CTNNA3: variants seen among roughly 807,000 people sequenced by gnomAD.
The protein encoded by CTNNA3 is catenin alpha 3.
In CTNNA3, 76 loss-of-function variants were observed where a neutral mutation model predicts 95.7. The ratio of observed to expected loss-of-function variants is 0.79; its 90% CI spans 0.66 to 0.96. The LOEUF is 0.96. Among genes scored for constraint, CTNNA3 ranks in the 40% least tolerant of loss-of-function variants. The pLI is 0.00. For missense variants in CTNNA3, 1,191 were observed against 1,089.8 expected (o/e 1.09, Z -1.31); for synonymous variants, 431 against 374.4 (o/e 1.15, Z -1.74).
intron 11 of CTNNA3, among the ~76,000 whole-genome samples, chr10:66,456,232 G>GT (rs2093494307): frequency 6.6e-6 from 1 of 152,124 alleles, no homozygotes; most frequent in African/African-American, 2.4e-5. Context: ...AGCTGAAAGG[G>GT]TTTTGAAAAA....
At chr10:67,540,280 G>A (rs1056751583) in intron 3 of CTNNA3, among the ~76,000 whole-genome samples, 1 of 151,604 alleles carries the variant, frequency 6.6e-6, no homozygotes, top group African/African-American at 2.4e-5. Flanking sequence ...TAAGTTCCCA[G>A]TTCAAAAGGG....
At position 67,573,629 on chromosome 10, in the gene CTNNA3, T is replaced by C. The variant is rs558007632; in HGVS notation, c.292+33228A>G. Among the ~76,000 whole-genome samples, 10 of 152,112 alleles carry C rather than the reference T, an allele frequency of 6.6e-5. No homozygotes were observed. In the East Asian group the frequency reaches 1.7e-3, roughly 27 times the overall value. On this transcript the variant is annotated intron_variant, in intron 3 of 17. Coordinates refer to ENST00000433211, the MANE Select transcript of CTNNA3 (RefSeq NM_013266.4). ...TATGAGATGAAGACAGAAGGTTAGA[T>C]AGACTACAGAAAATCAAGTATTATA...
At chr10:67,017,659 C>A (rs1316734595) in intron 7 of CTNNA3, among the ~76,000 whole-genome samples, 1 of 152,004 alleles carries the variant, frequency 6.6e-6, no homozygotes, top group Non-Finnish European at 1.5e-5. Context: ...GAAAATATTT[C>A]TTTCTTACAG....
chr10:66,987,944 A>G (rs1850824932), intron 7 of CTNNA3, among the ~76,000 whole-genome samples: 1 of 152,202 alleles, frequency 6.6e-6, no homozygotes, highest in African/African-American at 2.4e-5. Flanking sequence ...TCTTTTAAAA[A>G]CATTTCTATC....
rs1014528932 is a variant in CTNNA3 at position 66,849,642 on chromosome 10, G to C, written c.1048-74118C>G. Among the ~76,000 whole-genome samples, 6 of 152,106 alleles carry C rather than the reference G, an allele frequency of 3.9e-5. No individual in the cohort carries two copies. In the East Asian group the frequency reaches 1.2e-3, roughly 29 times the overall value. ...AAACAGAGAGACATACAGAAACAGA[G>C]AATAAGGCCATGTAAAGTCGGAGGC... On this transcript the variant is annotated intron_variant, in intron 7 of 17. Coordinates refer to ENST00000433211, the MANE Select transcript of CTNNA3 (RefSeq NM_013266.4).
At position 66,392,888 on chromosome 10, in the gene CTNNA3, ATACCTTGGTAT is replaced by A. The variant is rs577650335; in HGVS notation, c.1532-13547_1532-13537del. On this transcript the variant is annotated intron_variant, in intron 11 of 17. Transcript: ENST00000433211. ...ACTTCTACTATACAATCGAGCAACC[ATACCTTGGTAT>A]TTACCCAGATAAATTTAAAACTTAC... 4.5e-4 allele frequency among the ~76,000 whole-genome samples: 69 copies of A among 152,306 alleles called. 1 individual carries two copies. In the South Asian group the frequency reaches 0.014, roughly 31 times the overall value.
At chr10:67,404,124 C>A (rs1845039977) in intron 5 of CTNNA3, among the ~76,000 whole-genome samples, 3 of 152,054 alleles carry the variant, frequency 2.0e-5, no homozygotes, top group South Asian at 4.2e-4. Context: ...ACAGAAAACT[C>A]AAAAATCCAG....
At chr10:67,572,647 A>C (rs933797488) in intron 3 of CTNNA3, among the ~76,000 whole-genome samples, 1 of 152,210 alleles carries the variant, frequency 6.6e-6, no homozygotes, top group Non-Finnish European at 1.5e-5. Flanking sequence ...GCAGTTAAGC[A>C]TGAAACTCAC....
rs530559510 is a variant in CTNNA3 at position 66,693,284 on chromosome 10, A to G, written c.1282-71500T>C. Among the ~76,000 whole-genome samples, 14 of 150,478 alleles carry G rather than the reference A, an allele frequency of 9.3e-5. No individual in the cohort carries two copies. The South Asian group carries it at 3.0e-3, about 32-fold the overall frequency. ...GAGGAAGATCTATCAAGCAAATGGA[A>G]AACAAAAAAAGGCAGGGGTTGCAAT... On this transcript the variant is annotated intron_variant, in intron 9 of 17. Transcript: ENST00000433211.
intron 16 of CTNNA3, among the ~76,000 whole-genome samples, chr10:65,970,965 A>C (rs1402618170): frequency 6.6e-6 from 1 of 151,356 alleles, no homozygotes; most frequent in Non-Finnish European, 1.5e-5. Context: ...TAGACATGTG[A>C]AATGTTAGTC....
chr10:67,027,875 AATG>A (rs1262854931), intron 7 of CTNNA3, among the ~76,000 whole-genome samples: 3 of 152,170 alleles, frequency 2.0e-5, no homozygotes, highest in Non-Finnish European at 4.4e-5. Flanking sequence ...TTTGCTTCTG[AATG>A]ATAAGCTCTT....
chr10:66,619,515 CA>C lies in CTNNA3; in HGVS notation c.1374+2176del, dbSNP rs531625015. 7.7e-3 allele frequency among the ~76,000 whole-genome samples: 743 copies of C among 96,476 alleles called. 33 individuals carry two copies. The highest frequency in any genetic ancestry group is 0.025 in the African/African-American group (709 of 28,414). 63.3% of individuals were successfully genotyped at this position (96,476 alleles called of 152,430 possible). ...CTCACAGGTGGGAATTGAACAATGA[CA>C]ACACATGGACACAGGAAGGGGAACA... On this transcript the variant is annotated intron_variant, in intron 10 of 17. Transcript: ENST00000433211.
chr10:66,029,805 G>C (rs1052598509), intron 15 of CTNNA3, among the ~76,000 whole-genome samples: 3 of 152,108 alleles, frequency 2.0e-5, no homozygotes, highest in Non-Finnish European at 2.9e-5. Flanking sequence ...TGAATGAGTA[G>C]ATAAACATAC....
At chr10:66,054,256 G>A (rs537627526) in intron 15 of CTNNA3, among the ~76,000 whole-genome samples, 27 of 152,250 alleles carry the variant, frequency 1.8e-4, no homozygotes, top group Non-Finnish European at 2.9e-4. Flanking sequence ...CAGTGGGATT[G>A]ATGGATCACA....
chr10:66,659,438 T>C (rs1846181529), intron 9 of CTNNA3, among the ~76,000 whole-genome samples: 1 of 152,156 alleles, frequency 6.6e-6, no homozygotes, highest in Non-Finnish European at 1.5e-5. Flanking sequence ...GTAACTGAGA[T>C]CTTTGCTTCT....
At chr10:67,645,268 T>C (rs972035149) in intron 2 of CTNNA3, among the ~76,000 whole-genome samples, 7 of 152,154 alleles carry the variant, frequency 4.6e-5, no homozygotes, top group African/African-American at 1.7e-4. Context: ...TTCTATTAAC[T>C]TCTTTAGCAA....
At chr10:67,527,384 G>A (rs77581946) in intron 4 of CTNNA3, among the ~76,000 whole-genome samples, 2,516 of 152,290 alleles carry the variant, frequency 0.017, 75 homozygotes, top group African/African-American at 0.055. Flanking sequence ...ACCCACAGCA[G>A]CAGACCATCC....
chr10:67,521,841 C>T lies in CTNNA3; in HGVS notation c.579+1G>A. 6.2e-7 allele frequency: 1 copy of T among 1,613,162 alleles called. No homozygotes were observed. The highest frequency in any genetic ancestry group is 1.1e-5 in the South Asian group (1 of 90,932). On this transcript the variant is annotated splice_donor_variant, in intron 5 of 17. Coordinates refer to ENST00000433211, the MANE Select transcript of CTNNA3 (RefSeq NM_013266.4). LOFTEE classifies it high-confidence loss of function. ...CCACCAAGGAGAGCTCTGACTCCTA[C>T]CTGCTGACGTTTGAAGGCTAAATAA...
intron 3 of CTNNA3, among the ~76,000 whole-genome samples, chr10:67,566,764 A>C (rs1841818743): frequency 6.6e-6 from 1 of 152,132 alleles, no homozygotes; most frequent in African/African-American, 2.4e-5. Flanking sequence ...AAGACTTGGA[A>C]CCAACCCAAA....
Sources: gnomAD v4.1 joint callset for allele counts (sites outside exome capture counted in the v4.1 genomes callset) on GRCh38, gnomAD v4.1.1 for gene constraint, MANE v1.5 for transcripts, NCBI Gene and HGNC (gene_info 2026-07-23, HGNC 2026-07-21) for gene names.